Variants in LINGO2 observed in about 807,000 individuals in gnomAD.
The protein encoded by LINGO2 is leucine rich repeat and Ig domain containing 2.
Under a neutral mutation model 30.6 loss-of-function variants are expected in LINGO2, and 14 were observed. The ratio of observed to expected loss-of-function variants is 0.46; its 90% CI spans 0.30 to 0.72. The LOEUF (loss-of-function observed/expected upper bound fraction) is 0.72, where lower values mean the gene tolerates loss of function less well. Among genes scored for constraint, LINGO2 ranks in the 30% least tolerant of loss-of-function variants. The pLI is 0.07. For synonymous variants in LINGO2, 317 were observed against 288.5 expected (o/e 1.10, Z -1.00); for missense variants, 729 against 751.7 (o/e 0.97, Z 0.35).
chr9:29,058,448 A>C, the LINGO2 span, among the ~76,000 whole-genome samples: 2 of 152,228 alleles, frequency 1.3e-5, no homozygotes, highest in Admixed American at 1.3e-4. Flanking sequence ...TAAATGGCCT[A>C]TGAAAAAACA....
At chr9:28,632,243 C>A (rs73443384) in intron 1 of LINGO2, among the ~76,000 whole-genome samples, 4 of 151,934 alleles carry the variant, frequency 2.6e-5, no homozygotes, top group Non-Finnish European at 5.9e-5. Flanking sequence ...GAATTGCATA[C>A]GTTAAAGTGG....
At chr9:28,946,027 G>T in the LINGO2 span, among the ~76,000 whole-genome samples, 6,276 of 152,110 alleles carry the variant, frequency 0.041, 198 homozygotes, top group Admixed American at 0.083. Context: ...ATATTTGAGG[G>T]ATTTGTATGT....
At chr9:28,062,412 T>C (rs1400398957) in intron 4 of LINGO2, among the ~76,000 whole-genome samples, 1 of 148,224 alleles carries the variant, frequency 6.7e-6, no homozygotes, top group Non-Finnish European at 1.5e-5. Context: ...ACATATATAC[T>C]ATATATGTGT....
At chr9:28,823,974 T>A in the LINGO2 span, among the ~76,000 whole-genome samples, 1 of 151,886 alleles carries the variant, frequency 6.6e-6, no homozygotes, top group Non-Finnish European at 1.5e-5. Context: ...TCAGGAAAAA[T>A]ATATACATAC....
chr9:28,087,560 T>C, intron 4 of LINGO2, among the ~76,000 whole-genome samples: 1 of 152,050 alleles, frequency 6.6e-6, no homozygotes, highest in Non-Finnish European at 1.5e-5. Flanking sequence ...TCTTCATTCA[T>C]TCTTGGTCCT....
At chr9:28,873,391 GAA>G in the LINGO2 span, among the ~76,000 whole-genome samples, 8 of 123,102 alleles carry the variant, frequency 6.5e-5, no homozygotes, top group African/African-American at 1.7e-4. Context: ...AAAAAAAAAA[GAA>G]AAAAAAAAAA....
chr9:28,679,495 C>A, the LINGO2 span, among the ~76,000 whole-genome samples: 2 of 152,002 alleles, frequency 1.3e-5, no homozygotes, highest in Non-Finnish European at 2.9e-5. Context: ...TTCCAGATAC[C>A]TAGAGTTCCT....
chr9:28,861,169 A>C, the LINGO2 span, among the ~76,000 whole-genome samples: 1 of 115,824 alleles, frequency 8.6e-6, no homozygotes, highest in Non-Finnish European at 1.6e-5. Flanking sequence ...TAAATATATA[A>C]AATATATTTA....
At chr9:28,222,456 T>C (rs1031658395) in intron 4 of LINGO2, among the ~76,000 whole-genome samples, 2 of 152,018 alleles carry the variant, frequency 1.3e-5, no homozygotes, top group Admixed American at 6.5e-5. Context: ...CCCATTGGCA[T>C]ACAGAATTTT....
chr9:28,398,268 C>T (rs978832530), intron 2 of LINGO2, among the ~76,000 whole-genome samples: 3 of 151,994 alleles, frequency 2.0e-5, no homozygotes, highest in African/African-American at 7.3e-5. Flanking sequence ...ATTTAGAAGG[C>T]GTTGAATGAA....
intron 2 of LINGO2, among the ~76,000 whole-genome samples, chr9:28,378,691 G>A (rs1234417509): frequency 6.6e-6 from 1 of 152,078 alleles, no homozygotes; most frequent in Non-Finnish European, 1.5e-5. Context: ...CATAAACCTG[G>A]AAACTTCAGA....
the LINGO2 span, among the ~76,000 whole-genome samples, chr9:29,140,979 T>C: frequency 2.6e-4 from 40 of 152,038 alleles, no homozygotes; most frequent in African/African-American, 8.4e-4. Context: ...CAGAAAAACA[T>C]AGGGGAATGT....
At chr9:28,997,627 T>C in the LINGO2 span, among the ~76,000 whole-genome samples, 1 of 151,876 alleles carries the variant, frequency 6.6e-6, no homozygotes, top group Non-Finnish European at 1.5e-5. Context: ...ATCGAGACCA[T>C]CCTGGCTAAC....
At chr9:28,499,831 C>A (rs1378373560) in intron 1 of LINGO2, among the ~76,000 whole-genome samples, 2 of 152,236 alleles carry the variant, frequency 1.3e-5, no homozygotes, top group Non-Finnish European at 1.5e-5. Flanking sequence ...CACAGGAAGC[C>A]TTTCTAGACT....
the LINGO2 span, among the ~76,000 whole-genome samples, chr9:28,894,848 T>C: frequency 2.6e-5 from 4 of 152,096 alleles, no homozygotes; most frequent in African/African-American, 9.7e-5. Flanking sequence ...ACATACTTAA[T>C]TTTTTGTAGT....
chr9:28,817,066 AT>A, the LINGO2 span, among the ~76,000 whole-genome samples: 1 of 152,154 alleles, frequency 6.6e-6, no homozygotes, highest in African/African-American at 2.4e-5. Context: ...CAATATGGAA[AT>A]TTTACAAGTT....
chr9:29,076,201 T>A, the LINGO2 span, among the ~76,000 whole-genome samples: 24,903 of 151,962 alleles, frequency 0.16, 2,169 homozygotes, highest in East Asian at 0.34. Context: ...TAAGACACTA[T>A]GTTCTGGGAA....
At chr9:27,976,630 A>G (rs1044210277) in intron 5 of LINGO2, among the ~76,000 whole-genome samples, 1 of 152,082 alleles carries the variant, frequency 6.6e-6, no homozygotes, top group South Asian at 2.1e-4. Flanking sequence ...CATGTGCCCA[A>G]TGTCGCAGTC....
chr9:28,636,352 C>T (rs541330300), intron 1 of LINGO2, among the ~76,000 whole-genome samples: 8 of 152,124 alleles, frequency 5.3e-5, no homozygotes, highest in East Asian at 1.9e-4. Context: ...AATGGGATGG[C>T]GGGGACAAAT....
Sources: allele counts gnomAD v4.1 joint callset (sites outside exome capture counted in the v4.1 genomes callset), GRCh38; gene constraint gnomAD v4.1.1; transcripts MANE v1.5; gene names NCBI Gene and HGNC (gene_info 2026-07-23, HGNC 2026-07-21).